The following RCOR3 variants were observed in gnomAD, a reference collection of about 807,000 sequenced individuals.
RCOR3 encodes the protein REST corepressor 3.
A neutral mutation model predicts 64.1 loss-of-function variants in RCOR3; 13 were observed. That is an observed-to-expected ratio of 0.20 (90% confidence interval 0.13 to 0.32). RCOR3 has a LOEUF of 0.32. Ranked by LOEUF, RCOR3 falls within the 10% of genes least tolerant of loss-of-function variation. RCOR3 has a pLI of 1.00. For synonymous variants in RCOR3, 215 were observed against 239.0 expected, an observed-to-expected ratio of 0.90 and a Z score of 0.93; for missense variants, 489 against 701.2, an observed-to-expected ratio of 0.70 and a Z score of 3.42.
At chr1:211,270,837 T>A (rs567160516) in intron 2 of RCOR3, among the ~76,000 whole-genome samples, 4 of 151,924 alleles carry the variant, frequency 2.6e-5, no homozygotes, top group Admixed American at 2.6e-4. Flanking sequence ...GGTACTGTAC[T>A]AAAACAGAAA....
intron 9 of RCOR3, among the ~76,000 whole-genome samples, chr1:211,301,149 C>T (rs1422397927): frequency 2.0e-5 from 3 of 151,852 alleles, no homozygotes; most frequent in African/African-American, 7.3e-5. Flanking sequence ...TAAGATATGA[C>T]TCCATTGTTT....
At chr1:211,267,706 C>T (rs965696429) in intron 2 of RCOR3, 8 of 248,094 alleles carry the variant, frequency 3.2e-5, no homozygotes, top group South Asian at 2.9e-4. Flanking sequence ...ATCCTCCCAC[C>T]TCAGCCTCTT....
intron 8 of RCOR3, among the ~76,000 whole-genome samples, chr1:211,292,630 C>G (rs574006345): frequency 6.6e-6 from 1 of 152,196 alleles, no homozygotes; most frequent in Non-Finnish European, 1.5e-5. Flanking sequence ...TCACAAACAT[C>G]TCATATGCAG....
chr1:211,265,606 C>T (rs1388496608), intron 2 of RCOR3, among the ~76,000 whole-genome samples: 1 of 152,098 alleles, frequency 6.6e-6, no homozygotes, highest in Non-Finnish European at 1.5e-5. Flanking sequence ...GTAATCCCAG[C>T]TACTTGGGAG....
At chr1:211,309,103 A>AAAAAG (rs1701233299) in intron 10 of RCOR3, among the ~76,000 whole-genome samples, 1 of 151,510 alleles carries the variant, frequency 6.6e-6, no homozygotes, top group Non-Finnish European at 1.5e-5. Flanking sequence ...AAAAAAAAAA[A>AAAAAG]AAAGATTCAG....
At chr1:211,285,377 G>A (rs911854789) in intron 7 of RCOR3, among the ~76,000 whole-genome samples, 1 of 152,196 alleles carries the variant, frequency 6.6e-6, no homozygotes, top group Non-Finnish European at 1.5e-5. Flanking sequence ...CTCCAATTTG[G>A]TGGTCTCTGA....
intron 7 of RCOR3, among the ~76,000 whole-genome samples, chr1:211,284,757 A>G (rs1418708700): frequency 6.6e-6 from 1 of 151,292 alleles, no homozygotes; most frequent in Non-Finnish European, 1.5e-5. Flanking sequence ...TCTGGGCTCA[A>G]GTGATCCTCC....
intron 7 of RCOR3, among the ~76,000 whole-genome samples, chr1:211,284,761 A>G (rs1005086088): frequency 6.6e-6 from 1 of 152,118 alleles, no homozygotes. Context: ...GGCTCAAGTG[A>G]TCCTCCCACC....
At chr1:211,299,754 T>C (rs1335941830) in intron 9 of RCOR3, among the ~76,000 whole-genome samples, 4 of 152,154 alleles carry the variant, frequency 2.6e-5, no homozygotes, top group Admixed American at 1.3e-4. Context: ...TATATTATTA[T>C]GTTATTTTTA....
At chr1:211,291,875 T>C (rs1699280021) in intron 8 of RCOR3, among the ~76,000 whole-genome samples, 1 of 152,112 alleles carries the variant, frequency 6.6e-6, no homozygotes, top group African/African-American at 2.4e-5. Flanking sequence ...TCCCAACACT[T>C]TGGGAGGCCA....
intron 2 of RCOR3, among the ~76,000 whole-genome samples, chr1:211,262,783 TAAAC>T (rs201858597): frequency 0.012 from 1,810 of 150,612 alleles, 12 homozygotes; most frequent in Middle Eastern, 0.064. Flanking sequence ...AATAATCACT[TAAAC>T]AGAATAATAT....
At chr1:211,280,689 A>T (rs569035852) in intron 7 of RCOR3, among the ~76,000 whole-genome samples, 7 of 152,296 alleles carry the variant, frequency 4.6e-5, no homozygotes, top group African/African-American at 1.7e-4. Flanking sequence ...CTTCCATTTA[A>T]AAGCGTTTCT....
intron 2 of RCOR3, among the ~76,000 whole-genome samples, chr1:211,269,421 C>A (rs909196125): frequency 3.3e-5 from 5 of 152,098 alleles, no homozygotes; most frequent in Non-Finnish European, 5.9e-5. Context: ...CATGATGAAA[C>A]CCTGTCTCTA....
intron 7 of RCOR3, among the ~76,000 whole-genome samples, chr1:211,284,268 G>A (rs1374096956): frequency 6.6e-6 from 1 of 151,680 alleles, no homozygotes; most frequent in African/African-American, 2.4e-5. Flanking sequence ...TTTTAGTAGA[G>A]ACGGTGTTTC....
intron 5 of RCOR3, 41 bp downstream of exon 5, chr1:211,276,459 A>C: frequency 6.5e-7 from 1 of 1,539,840 alleles, no homozygotes; most frequent in East Asian, 2.3e-5. Flanking sequence ...TATGTGAATG[A>C]TATCTTAAGC....
At chr1:211,279,137 A>G in intron 6 of RCOR3, 101 bp from the exon 7 acceptor site, 1 of 713,234 alleles carries the variant, frequency 1.4e-6, no homozygotes, top group South Asian at 1.9e-5. Context: ...CAGTGAGCCA[A>G]GATCATGCCA....
At chr1:211,294,152 G>A (rs990425030) in intron 8 of RCOR3, among the ~76,000 whole-genome samples, 1 of 152,138 alleles carries the variant, frequency 6.6e-6, no homozygotes, top group East Asian at 1.9e-4. Context: ...GTTTGTTTAT[G>A]TATGATTTTT....
chr1:211,274,111 A>C (rs1696629002), intron 3 of RCOR3, 99 bp from the exon 4 acceptor site: 1 of 724,240 alleles, frequency 1.4e-6, no homozygotes, highest in Non-Finnish European at 2.2e-6. Context: ...TTTACCCTGG[A>C]ATATAAATTG....
At chr1:211,268,831 C>A (rs1280901877) in intron 2 of RCOR3, among the ~76,000 whole-genome samples, 1 of 151,812 alleles carries the variant, frequency 6.6e-6, no homozygotes, top group Non-Finnish European at 1.5e-5. Context: ...TCTTTCAGTT[C>A]TCTTTTCTTC....
Sources: allele counts gnomAD v4.1 joint callset (sites outside exome capture counted in the v4.1 genomes callset), GRCh38; gene constraint gnomAD v4.1.1; transcripts MANE v1.5; gene names NCBI Gene and HGNC (gene_info 2026-07-23, HGNC 2026-07-21).